GRHL2: variants seen among roughly 807,000 people sequenced by gnomAD.
GRHL2 encodes the protein grainyhead-like protein 2 homolog.
GRHL2 carries 21 observed loss-of-function variants against 83.8 expected under a neutral mutation model. The observed-to-expected ratio is 0.25, with a 90% CI of 0.18 to 0.36. GRHL2 has a LOEUF of 0.36. GRHL2 is among the 10% of genes least tolerant of loss of function. GRHL2 has a pLI of 1.00. For synonymous variants in GRHL2, 280 were observed against 278.9 expected (o/e 1.00, Z -0.04); for missense variants, 623 against 781.8 (o/e 0.80, Z 2.42).
In GRHL2 at chr8:101,631,687, A is replaced by C. The variant is rs755024772; in HGVS notation, c.1308A>C (p.Lys436Asn). The C allele has an allele frequency of 1.2e-6, 2 of 1,613,834 alleles. No individual in the cohort carries two copies. Among genetic ancestry groups the C allele is most frequent in the South Asian group, 2.2e-5 (2 of 91,082 alleles). ...RDEERKQNRK[K>N]GKGQASQTQC... is the part of the protein sequence containing the mutation. Reference sequence around the variant, plus strand: ...AAGAGCGGAAGCAGAACAGGAAGAAAGGGAAAGGCCAGGCCTCCCAAACTC... The same window carrying C: ...AAGAGCGGAAGCAGAACAGGAAGAACGGGAAAGGCCAGGCCTCCCAAACTC... Residue 436 changes from lysine to asparagine, a missense_variant, in exon 10 of 16, where the codon AAA becomes AAC. Lys to Asn is a moderately conservative substitution (Grantham distance 94). Coordinates refer to ENST00000646743, the MANE Select transcript of GRHL2 (RefSeq NM_024915.4).
At chr8:101,572,303 T>G (rs1285449691) in intron 5 of GRHL2, among the ~76,000 whole-genome samples, 2 of 152,246 alleles carry the variant, frequency 1.3e-5, no homozygotes, top group Non-Finnish European at 2.9e-5. Context: ...GAATCAGTTC[T>G]GTTTTGAATG....
chr8:101,674,300 T>C (rs1377003911), downstream of GRHL2, among the ~76,000 whole-genome samples: 1 of 152,020 alleles, frequency 6.6e-6, no homozygotes, highest in Admixed American at 6.6e-5. Context: ...ACAATATCGA[T>C]AGACCGCTAG....
chr8:101,595,679 A>T (rs1812376553), intron 7 of GRHL2, among the ~76,000 whole-genome samples: 1 of 152,198 alleles, frequency 6.6e-6, no homozygotes, highest in South Asian at 2.1e-4. Flanking sequence ...AATTTGAAAG[A>T]TATAAAATTG....
chr8:101,545,500 A>G (rs1311719605), intron 2 of GRHL2, among the ~76,000 whole-genome samples: 1 of 139,946 alleles, frequency 7.1e-6, no homozygotes, highest in Non-Finnish European at 1.5e-5. Context: ...ATTTCATGGT[A>G]GGCTTTTTAT....
At chr8:101,512,913 G>C (rs1358245146) in intron 1 of GRHL2, among the ~76,000 whole-genome samples, 4 of 152,192 alleles carry the variant, frequency 2.6e-5, no homozygotes, top group African/African-American at 7.2e-5. Flanking sequence ...CCAGCACAGA[G>C]GGGCTCTGGT....
intron 1 of GRHL2, among the ~76,000 whole-genome samples, chr8:101,505,368 G>A (rs1246843263): frequency 2.0e-5 from 3 of 151,974 alleles, no homozygotes; most frequent in Non-Finnish European, 2.9e-5. Context: ...ACCTTAGGTC[G>A]GGAGTTTGAG....
intron 3 of GRHL2, among the ~76,000 whole-genome samples, chr8:101,555,677 G>C (rs1317661166): frequency 6.6e-6 from 1 of 152,088 alleles, no homozygotes; most frequent in Non-Finnish European, 1.5e-5. Flanking sequence ...CACGAAATCA[G>C]GTCATTACTT....
At chr8:101,530,975 A>G (rs1362853184) in intron 1 of GRHL2, among the ~76,000 whole-genome samples, 1 of 152,194 alleles carries the variant, frequency 6.6e-6, no homozygotes, top group Non-Finnish European at 1.5e-5. Flanking sequence ...TCACACCTGT[A>G]ATCCCAGCAC....
intron 7 of GRHL2, among the ~76,000 whole-genome samples, chr8:101,587,447 C>G (rs1387684799): frequency 2.0e-5 from 3 of 152,324 alleles, no homozygotes; most frequent in Admixed American, 6.5e-5. Flanking sequence ...ACTGAAACCA[C>G]TGATAGACCT....
intron 8 of GRHL2, among the ~76,000 whole-genome samples, chr8:101,613,067 A>T (rs1195385265): frequency 2.0e-5 from 3 of 150,780 alleles, no homozygotes; most frequent in Non-Finnish European, 4.4e-5. Context: ...ATTTCCGAAG[A>T]GTTGACATTG....
At chr8:101,654,370 A>G (rs77758795) in intron 14 of GRHL2, among the ~76,000 whole-genome samples, 3,607 of 152,314 alleles carry the variant, frequency 0.024, 128 homozygotes, top group African/African-American at 0.081. Context: ...AGCTTAACAC[A>G]TATAGTCAGT....
intron 7 of GRHL2, among the ~76,000 whole-genome samples, chr8:101,580,677 CATTTTT>C (rs1231412858): frequency 3.3e-5 from 5 of 152,070 alleles, no homozygotes; most frequent in Non-Finnish European, 4.4e-5. Flanking sequence ...AAATGTGCAC[CATTTTT>C]ATTTTTATTT....
intron 12 of GRHL2, among the ~76,000 whole-genome samples, chr8:101,641,461 CAAACAATGCCTA>C (rs1226972648): frequency 6.6e-6 from 1 of 152,156 alleles, no homozygotes; most frequent in East Asian, 1.9e-4. Flanking sequence ...CCTCAGTAGG[CAAACAATGCCTA>C]GTGAAGTTGA....
intron 7 of GRHL2, among the ~76,000 whole-genome samples, chr8:101,580,163 C>T (rs1330446434): frequency 6.6e-6 from 1 of 151,660 alleles, no homozygotes; most frequent in African/African-American, 2.4e-5. Flanking sequence ...AGCAAGGGTT[C>T]TTTTTTTTAA....
intron 6 of GRHL2, among the ~76,000 whole-genome samples, chr8:101,574,103 T>G (rs1418793036): frequency 6.6e-6 from 1 of 152,144 alleles, no homozygotes; most frequent in African/African-American, 2.4e-5. Flanking sequence ...GCTTCCTCGT[T>G]GTTGTTATTT....
intron 15 of GRHL2, among the ~76,000 whole-genome samples, chr8:101,665,743 G>T (rs1233615642): frequency 2.6e-5 from 4 of 152,184 alleles, no homozygotes; most frequent in Non-Finnish European, 4.4e-5. Flanking sequence ...TTTTACAGGA[G>T]GATAAACTGA....
chr8:101,632,208 T>C lies in GRHL2; in HGVS notation c.1346-18T>C. The C allele has an allele frequency of 6.2e-7, 1 of 1,613,770 alleles. No homozygotes were observed. The highest frequency in any genetic ancestry group is 8.5e-7 in the Non-Finnish European group (1 of 1,179,732). ...ATATATGACTCTCTCATTTATGAGT[T>C]TGTGTGATCCCATCCAGCCTCTGAT... On this transcript the variant is annotated intron_variant, in intron 10 of 15. Transcript: ENST00000646743.
downstream of GRHL2, among the ~76,000 whole-genome samples, chr8:101,673,284 T>A (rs201790113): frequency 1.1e-4 from 16 of 152,030 alleles, no homozygotes; most frequent in East Asian, 5.8e-4. Flanking sequence ...AAGACCCATC[T>A]GTGTGCTGTA....
At chr8:101,649,116 A>C (rs1488259630) in intron 13 of GRHL2, among the ~76,000 whole-genome samples, 1 of 152,234 alleles carries the variant, frequency 6.6e-6, no homozygotes, top group Non-Finnish European at 1.5e-5. Flanking sequence ...AGAGGTTGCA[A>C]AAAGAGATGC....
Sources: gnomAD v4.1 joint callset for allele counts (sites outside exome capture counted in the v4.1 genomes callset) on GRCh38, gnomAD v4.1.1 for gene constraint, MANE v1.5 for transcripts, NCBI Gene and HGNC (gene_info 2026-07-23, HGNC 2026-07-21) for gene names.